URB1: variants seen among roughly 807,000 people sequenced by gnomAD.
The protein encoded by URB1 is URB1 ribosome biogenesis factor.
Under a neutral mutation model 242.3 loss-of-function variants are expected in URB1, and 197 were observed. The observed-to-expected ratio is 0.81, with a 90% confidence interval of 0.72 to 0.91. The LOEUF is 0.91. Among genes scored for constraint, URB1 ranks in the 40% least tolerant of loss-of-function variants. URB1 has a pLI of 0.00. For synonymous variants in URB1, 1,153 were observed against 1,201.8 expected (o/e 0.96, Z 0.84); for missense variants, 2,721 against 2,860.5 (o/e 0.95, Z 1.11).
rs370646489 is a variant in URB1, at chr21:32,354,925, T to G, written c.2179A>C (p.Met727Leu). Residue 727 changes from methionine (M) to leucine (L), a missense_variant, in exon 17 of 39, where the codon ATG becomes CTG. Transcript: ENST00000382751. ...KASDFVQEASMLQATMTKQEA... is the reference protein window; with the variant it reads ...KASDFVQEASLLQATMTKQEA... Reference sequence around the variant, plus strand: ...TGCTTCGTCATAGTGGCCTGCAGCATGCTTGCTTCTTGGACAAAGTCAGAT... The same window carrying G: ...TGCTTCGTCATAGTGGCCTGCAGCAGGCTTGCTTCTTGGACAAAGTCAGAT... The G allele has an allele frequency of 2.6e-5, 41 of 1,552,258 alleles. No homozygotes were observed. The African/African-American group carries it at 5.1e-4, about 19-fold the overall frequency.
chr21:32,327,940 C>T (rs2032848946), intron 30 of URB1, among the ~76,000 whole-genome samples: 2 of 152,198 alleles, frequency 1.3e-5, no homozygotes, highest in African/African-American at 4.8e-5. Context: ...TCAATAATCA[C>T]ATTAAATATA....
chr21:32,365,142 GC>G (rs2033332102), intron 10 of URB1, among the ~76,000 whole-genome samples: 1 of 152,222 alleles, frequency 6.6e-6, no homozygotes, highest in African/African-American at 2.4e-5. Context: ...AGCAAATGCA[GC>G]CCACAGAGGA....
At chr21:32,375,615 A>G (rs1007424) in intron 5 of URB1, 132 bp from the exon 6 acceptor site, 53,996 of 535,676 alleles carry the variant, frequency 0.1, 3,616 homozygotes, top group African/African-American at 0.23. Flanking sequence ...TTTTAACTAT[A>G]CAAGTTTCCG....
Position 32,349,474 on chromosome 21 carries a change from T to C in URB1, c.2842A>G (p.Ser948Gly). 1 of 1,548,284 alleles carries C rather than the reference T, an allele frequency of 6.5e-7. No homozygotes were observed. Among genetic ancestry groups the C allele is most frequent in the South Asian group, 1.2e-5 (1 of 83,656 alleles). The change falls in exon 21 of 39, where the codon AGT becomes GGT. Residue 948 changes from serine (S) to glycine (G), a missense_variant. Transcript: ENST00000382751. Reference protein sequence around the residue: ...TVENFGQLGRSVGPPLLQLFL... With the variant: ...TVENFGQLGRGVGPPLLQLFL... ...AGCTGCAGGAGGGGCGGGCCCACAC[T>C]TCTGCCCAGCTGTGAGGACAAGAGC...
In URB1 at chr21:32,363,315, T is replaced by C. The variant is rs1387451492; in HGVS notation, c.1350A>G (p.Ser450=). 4.5e-6 allele frequency: 7 copies of C among 1,551,396 alleles called. No homozygotes were observed. Among genetic ancestry groups the C allele is most frequent in the Non-Finnish European group, 6.1e-6 (7 of 1,147,020 alleles). The change falls in exon 11 of 39, where the codon TCA becomes TCG. Residue 450 remains serine, a synonymous_variant. Transcript: ENST00000382751. ...FTQALNLDST[S]VRHTALSLIS... ...TAAGGGATAAGGCTGTGTGCCTCAC[T>C]GAGGTGCTGTCCAACTGGGAAGAAA...
In URB1 at chr21:32,355,429, T is replaced by A. The variant is rs374775972; in HGVS notation, c.2106+20A>T. 3.2e-6 allele frequency: 5 copies of A among 1,543,518 alleles called. No individual in the cohort carries two copies. Among genetic ancestry groups the A allele is most frequent in the East Asian group, 2.4e-5 (1 of 40,866 alleles). ...AATTATCTCTGAGCATGTTCCTTTA[T>A]GTGGGAAATATGTGCTTACGCGTTC... is the stretch of plus-strand genomic sequence containing the variant. On this transcript the variant is annotated intron_variant, in intron 16 of 38. Transcript: ENST00000382751.
chr21:32,392,679 A>C lies in URB1; in HGVS notation c.142+90T>G. 3.0e-6 allele frequency: 4 copies of C among 1,339,576 alleles called. No individual in the cohort carries two copies. In the South Asian group the frequency reaches 7.5e-5, roughly 25 times the overall value. 83.0% of individuals were successfully genotyped at this position (1,339,576 alleles called of 1,614,324 possible). ...TTGCCACTGAGCCTATGTGACCCGA[A>C]AGCTGCAGAAAGGAGAGGCTGTGCC... On this transcript the variant is annotated intron_variant, in intron 1 of 38. Coordinates refer to ENST00000382751, the MANE Select transcript of URB1 (RefSeq NM_014825.3).
In URB1 at chr21:32,334,227, TC is replaced by T. The variant is rs988595795; in HGVS notation, c.4792del (p.Asp1598ThrfsTer5). On this transcript the variant is annotated frameshift_variant, in exon 29 of 39. Coordinates refer to ENST00000382751, the MANE Select transcript of URB1 (RefSeq NM_014825.3). LOFTEE classifies it high-confidence loss of function. ...PSVGDILRLL[D>X]RDRMMQTILH... ...GATGGTCTGCATCATCCGGTCCCGG[TC>T]CAGCAGGCGAAGGATGTCCCCGACA... 1.3e-6 allele frequency: 2 copies of T among 1,551,426 alleles called. No individual in the cohort carries two copies. The highest frequency in any genetic ancestry group is 1.7e-6 in the Non-Finnish European group (2 of 1,146,914).
chr21:32,382,853 A>T (rs140142165), intron 4 of URB1, among the ~76,000 whole-genome samples: 89 of 152,280 alleles, frequency 5.8e-4, no homozygotes, highest in African/African-American at 2.1e-3. Flanking sequence ...TTCAAAAGCC[A>T]CCAGGGAATT....
rs1277488974 is a variant in URB1, at chr21:32,347,532, G to T, written c.3292C>A (p.Pro1098Thr). The part of the protein sequence containing the change: ...QNRRAGPATS[P>T]PKTPPQLEAL... The stretch of plus-strand genomic sequence containing the variant: ...TCCAGCTGCGGCGGGGTCTTTGGTG[G>T]TGATGTGGCCGGGCCCGCCCTCCTG... Residue 1098 changes from proline to threonine, a missense_variant, in exon 22 of 39, where the codon CCA (proline) becomes ACA (threonine). Physicochemically the swap from Pro to Thr is conservative, Grantham distance 38 (BLOSUM62 -1). Transcript: ENST00000382751. 2 of 1,551,388 alleles carry T rather than the reference G, an allele frequency of 1.3e-6. No individual in the cohort carries two copies. The highest frequency in any genetic ancestry group is 4.9e-5 in the East Asian group (2 of 40,892).
Position 32,347,809 on chromosome 21 carries a change from C to A in URB1, c.3015G>T (p.Thr1005=). The change falls in exon 22 of 39, where the codon ACG becomes ACT. Residue 1005 remains threonine (T), a splice_region_variant and synonymous_variant. Transcript: ENST00000382751. ...GGATGGCCACAAGCACCTCCTCCAG[C>A]GTCTGAAAGGCAGTGACGAGGCACA... is the stretch of plus-strand genomic sequence containing the variant. ...VASLELANDQ[T]LEEVLVAILR... 1.3e-6 allele frequency: 2 copies of A among 1,541,068 alleles called. No homozygotes were observed. The highest frequency in any genetic ancestry group is 1.7e-6 in the Non-Finnish European group (2 of 1,144,826).
Position 32,354,035 on chromosome 21 carries a change from A to G in URB1, c.2314T>C (p.Leu772=), listed in dbSNP as rs532940500. ...GTGAGCAGGATCATGTCTTCACTCA[A>G]CGTGAACCCTATTTCCTCATCCAAG... is the stretch of plus-strand genomic sequence containing the variant. ...EGLDEEIGFT[L]SEDMILLTFP... The change falls in exon 18 of 39, where the codon TTG becomes CTG. Residue 772 remains leucine, a synonymous_variant. Coordinates refer to ENST00000382751, the MANE Select transcript of URB1 (RefSeq NM_014825.3). 3.0e-5 allele frequency: 47 copies of G among 1,551,672 alleles called. No individual in the cohort carries two copies. Among genetic ancestry groups the G allele is most frequent in the Admixed American group, 2.7e-4 (14 of 50,998 alleles).
rs2033102320 is a variant in URB1 at position 32,347,347 on chromosome 21, C to G, written c.3477G>C (p.Gln1159His). Residue 1159 changes from glutamine to histidine, a missense_variant, in exon 22 of 39, where the codon CAG becomes CAC. Physicochemically the swap from Gln to His is conservative, Grantham distance 24 (BLOSUM62 0). Coordinates refer to ENST00000382751, the MANE Select transcript of URB1 (RefSeq NM_014825.3). ...HLNALGKTLV[Q>H]LLTCSPQDQL... ...GATCCTGGGGGCTGCAGGTCAGCAG[C>G]TGCACCAGGGTCTTTCCAAGAGCAT... 6.4e-7 allele frequency: 1 copy of G among 1,551,290 alleles called. No homozygotes were observed. The highest frequency in any genetic ancestry group is 1.4e-5 in the African/African-American group (1 of 73,066).
In URB1 at chr21:32,312,391, CT is replaced by C. The variant is rs933086695; in HGVS notation, c.*2526del. ...GTCCTTCTGTACCTTTGTTAGGATG[CT>C]GGGTAAGTTCCCATCCAAGCTCCAC... On this transcript the variant is annotated 3_prime_UTR_variant, in exon 39 of 39. Coordinates refer to ENST00000382751, the MANE Select transcript of URB1 (RefSeq NM_014825.3). 4.6e-5 allele frequency: 49 copies of C among 1,070,682 alleles called. No individual in the cohort carries two copies. Among genetic ancestry groups the C allele is most frequent in the Non-Finnish European group, 5.4e-5 (46 of 848,532 alleles). 66.3% of individuals were successfully genotyped at this position (1,070,682 alleles called of 1,614,324 possible).
At chr21:32,336,101 T>C (rs953435596) in intron 28 of URB1, among the ~76,000 whole-genome samples, 5 of 152,004 alleles carry the variant, frequency 3.3e-5, no homozygotes, top group African/African-American at 7.2e-5. Context: ...ATAACTGACA[T>C]AGCACCAGCT....
intron 19 of URB1, among the ~76,000 whole-genome samples, 181 bp downstream of exon 19, chr21:32,352,529 T>C (rs760698895): frequency 2.0e-4 from 31 of 152,216 alleles, no homozygotes; most frequent in Non-Finnish European, 3.8e-4. Flanking sequence ...TGTGTTCAGT[T>C]ATGTTAGCTG....
Position 32,339,483 on chromosome 21 carries a change from C to CT in URB1, c.4317-584dup, listed in dbSNP as rs909887514. 3.1e-3 allele frequency among the ~76,000 whole-genome samples: 456 copies of CT among 146,258 alleles called. 3 individuals are homozygous for CT. Among genetic ancestry groups the CT allele is most frequent in the African/African-American group, 0.01 (408 of 39,902 alleles). On this transcript the variant is annotated intron_variant, in intron 25 of 38. Transcript: ENST00000382751. ...GGGAGGGATGCAGTGCATTTATTTT[C>CT]TTTTTTTTTTCTTTTTTTTTTTTTT...
chr21:32,345,565 A>G lies in URB1; in HGVS notation c.3879T>C (p.Ala1293=), dbSNP rs1326744423. The G allele has an allele frequency of 6.5e-7, 1 of 1,541,758 alleles. No homozygotes were observed. The highest frequency in any genetic ancestry group is 1.2e-5 in the South Asian group (1 of 83,802). ...HFTRPAGVSS[A]VIPVLRKTLW... ...GGGTCTTCCTCAAGACAGGAATGACAGCGGAAGACACTAGGGCAGAGATAC... is the reference window on the plus strand; with the variant it reads ...GGGTCTTCCTCAAGACAGGAATGACGGCGGAAGACACTAGGGCAGAGATAC... The change falls in exon 23 of 39, where the codon GCT becomes GCC. Residue 1293 remains alanine (A), a synonymous_variant. Transcript: ENST00000382751.
intron 36 of URB1, among the ~76,000 whole-genome samples, chr21:32,318,329 C>T (rs1369342180): frequency 1.3e-5 from 2 of 152,148 alleles, no homozygotes; most frequent in African/African-American, 2.4e-5. Context: ...CACCCACGGC[C>T]AAAACCTGAT....
Sources: gnomAD v4.1 joint callset for allele counts (sites outside exome capture counted in the v4.1 genomes callset) on GRCh38, gnomAD v4.1.1 for gene constraint, MANE v1.5 for transcripts, NCBI Gene and HGNC (gene_info 2026-07-23, HGNC 2026-07-21) for gene names.